ADGRF5: variants seen among roughly 807,000 people sequenced by gnomAD.
ADGRF5 encodes adhesion G protein-coupled receptor F5, also known as G-protein coupled receptor 116.
A neutral mutation model predicts 132.3 loss-of-function variants in ADGRF5; 75 were observed. That is an observed-to-expected ratio of 0.57 (90% CI 0.47 to 0.69). ADGRF5 has a LOEUF of 0.69. Ranked by LOEUF, ADGRF5 falls within the 30% of genes least tolerant of loss-of-function variation. ADGRF5 has a pLI of 0.00. For missense variants in ADGRF5, 1,516 were observed against 1,630.6 expected (o/e 0.93, Z 1.21); for synonymous variants, 629 against 597.6 (o/e 1.05, Z -0.77).
At chr6:46,878,771 A>G (rs982814676) in intron 9 of ADGRF5, among the ~76,000 whole-genome samples, 4 of 152,260 alleles carry the variant, frequency 2.6e-5, no homozygotes, top group Non-Finnish European at 5.9e-5. Context: ...AAAATCAACA[A>G]CTATGTGATA....
In ADGRF5 at chr6:46,952,479, C is replaced by G. The variant is rs527790462; in HGVS notation, c.-25+2255G>C. 6.6e-5 allele frequency among the ~76,000 whole-genome samples: 10 copies of G among 152,260 alleles called. No individual in the cohort carries two copies. In the East Asian group the frequency reaches 1.9e-3, roughly 29 times the overall value. ...ATGAGGGGCACTGACAGGGAAACAACTAATGAAAGAGGCTGTCACATAGAT... is the reference window on the plus strand; with the variant it reads ...ATGAGGGGCACTGACAGGGAAACAAGTAATGAAAGAGGCTGTCACATAGAT... On this transcript the variant is annotated intron_variant, in intron 1 of 20. Transcript: ENST00000265417.
At position 46,858,612 on chromosome 6, in the gene ADGRF5, G is replaced by A. The variant is rs1769335285; in HGVS notation, c.3291C>T (p.Tyr1097=). The A allele has an allele frequency of 1.9e-6, 3 of 1,614,112 alleles. No homozygotes were observed. Among genetic ancestry groups the A allele is most frequent in the Non-Finnish European group, 2.5e-6 (3 of 1,179,970 alleles). ...TCAGCATCCAGAAGAAGACGCTGAG[G>A]TAGAAGAAGTGGATGAAGAAGGTGG... The part of the protein sequence containing the change: ...VAATFFIHFF[Y]LSVFFWMLTL... Residue 1097 remains tyrosine, a synonymous_variant, in exon 17 of 21, where the codon TAC becomes TAT. Coordinates refer to ENST00000283296, the MANE Select transcript of ADGRF5 (RefSeq NM_001098518.2).
At chr6:46,954,106 C>T (rs954622442) in intron 1 of ADGRF5, among the ~76,000 whole-genome samples, 1 of 151,980 alleles carries the variant, frequency 6.6e-6, no homozygotes, top group African/African-American at 2.4e-5. Context: ...ACAACCACCA[C>T]CACAAGCCTC....
rs201275821 is a variant in ADGRF5, at chr6:46,883,526, G to A, written c.612+33C>T. 1,173 of 1,061,230 alleles carry A rather than the reference G, an allele frequency of 1.1e-3. 2 individuals are homozygous for A. The highest frequency in any genetic ancestry group is 9.6e-4 in the Non-Finnish European group (654 of 683,782). The allele number at this position is 1,061,230 out of a possible 1,614,324, so 65.7% of individuals were successfully genotyped here. On this transcript the variant is annotated intron_variant, in intron 6 of 20. Transcript: ENST00000283296. ...AGACTCAGTTCAGTCCAAACAGTTT[G>A]TTAGTTAAGAGGTTCTTGGGGCCAA...
chr6:46,858,665 T>G lies in ADGRF5; in HGVS notation c.3238A>C (p.Ile1080Leu). The change falls in exon 17 of 21, where the codon ATA becomes CTA. Residue 1080 changes from isoleucine (I) to leucine (L), a missense_variant. Physicochemically the swap from Ile to Leu is conservative, Grantham distance 5. This residue lies in a region of ADGRF5 where 571 missense variants were observed against 701.2 expected (regional missense o/e 0.81). Transcript: ENST00000283296. ...VVAAIQDNRYILCKTACVAAT... is the reference protein window; with the variant it reads ...VVAAIQDNRYLLCKTACVAAT... ...GCCACACAGGCTGTCTTGCAGAGTA[T>G]GTAGCGATTGTCCTGGATGGCAGCG... 1 of 1,614,086 alleles carries G rather than the reference T, an allele frequency of 6.2e-7. No homozygotes were observed. Among genetic ancestry groups the G allele is most frequent in the Non-Finnish European group, 8.5e-7 (1 of 1,180,014 alleles).
At position 46,900,536 on chromosome 6, in the gene ADGRF5, T is replaced by C. The variant is rs554602358; in HGVS notation, c.103-453A>G. Among the ~76,000 whole-genome samples the C allele has an allele frequency of 6.6e-5, 10 of 152,224 alleles. No homozygotes were observed. The South Asian group carries it at 2.1e-3, about 32-fold the overall frequency. On this transcript the variant is annotated intron_variant, in intron 2 of 20. Coordinates refer to ENST00000283296, the MANE Select transcript of ADGRF5 (RefSeq NM_001098518.2). ...CTGCTGTATTAGGGCTCTTTAACCA[T>C]TGTGTGTGCTTAGAAATTATTTTTT...
At chr6:46,881,379 A>AT (rs1772443536) in intron 8 of ADGRF5, 76 bp downstream of exon 8, 30 of 1,297,926 alleles carry the variant, frequency 2.3e-5, no homozygotes, top group South Asian at 3.9e-5. Flanking sequence ...CCCAGAGGAC[A>AT]TTGTAGCATA....
At position 46,856,847 on chromosome 6, in the gene ADGRF5, G is replaced by T. The variant is rs1228589013; in HGVS notation, c.3816+20C>A. On this transcript the variant is annotated intron_variant, in intron 18 of 20. Coordinates refer to ENST00000283296, the MANE Select transcript of ADGRF5 (RefSeq NM_001098518.2). ...GCACTTCAGACTTTTCTAGAAACAT[G>T]AAACTGTCATTGCTCTTACCTTCAG... 6.2e-7 allele frequency: 1 copy of T among 1,607,938 alleles called. No individual in the cohort carries two copies. The highest frequency in any genetic ancestry group is 2.2e-5 in the East Asian group (1 of 44,846).
At position 46,854,053 on chromosome 6, in the gene ADGRF5, G is replaced by A; in HGVS notation, c.3980C>T (p.Thr1327Ile). Residue 1327 changes from threonine (T) to isoleucine (I), a missense_variant, in exon 21 of 21, where the codon ACC becomes ATC. Physicochemically the swap from Thr to Ile is moderately conservative, Grantham distance 89. This residue lies in a region of ADGRF5 where 571 missense variants were observed against 701.2 expected (regional missense o/e 0.81). Transcript: ENST00000283296. The part of the protein sequence containing the change: ...FGKTGTYNVS[T>I]PEATSSSLEN... Reference sequence around the variant, plus strand: ...CAGGGATGAGCTGGTTGCTTCTGGGGTGGAAACATTATACGTTCCTGAAAA... The same window carrying A: ...CAGGGATGAGCTGGTTGCTTCTGGGATGGAAACATTATACGTTCCTGAAAA... 6.2e-7 allele frequency: 1 copy of A among 1,602,704 alleles called. No individual in the cohort carries two copies. The highest frequency in any genetic ancestry group is 2.3e-5 in the East Asian group (1 of 44,134).
At chr6:46,854,781 G>T (rs1039482058) in intron 20 of ADGRF5, 2 of 1,286,202 alleles carry the variant, frequency 1.6e-6, no homozygotes, top group African/African-American at 1.5e-5. Context: ...CTTAGGGGCT[G>T]CTGACAACAT....
At chr6:46,945,588 C>T (rs981813738) in intron 1 of ADGRF5, among the ~76,000 whole-genome samples, 11 of 152,192 alleles carry the variant, frequency 7.2e-5, no homozygotes, top group Admixed American at 1.3e-4. Flanking sequence ...GTAAAACAGG[C>T]TTGGGACAGT....
chr6:46,928,291 T>C (rs1300860655), intron 1 of ADGRF5, among the ~76,000 whole-genome samples: 1 of 152,172 alleles, frequency 6.6e-6, no homozygotes, highest in Non-Finnish European at 1.5e-5. Flanking sequence ...TCCTAGTATG[T>C]TGTGTCTGTG....
rs372081452 is a variant in ADGRF5, at chr6:46,856,391, TC to T, written c.3876+326del. On this transcript the variant is annotated intron_variant, in intron 19 of 20. Coordinates refer to ENST00000283296, the MANE Select transcript of ADGRF5 (RefSeq NM_001098518.2). ...AACTTGTTTTCTCTAATGCCTTGAATCCCCCCAGAAGATTGCTTCTCATTGA... is the reference window on the plus strand; with the variant it reads ...AACTTGTTTTCTCTAATGCCTTGAATCCCCCAGAAGATTGCTTCTCATTGA... Among the ~76,000 whole-genome samples the T allele has an allele frequency of 9.8e-3, 1,495 of 152,266 alleles. 27 individuals are homozygous for T. Among genetic ancestry groups the T allele is most frequent in the African/African-American group, 0.034 (1,420 of 41,548 alleles).
intron 11 of ADGRF5, 102 bp from the exon 12 acceptor site, chr6:46,869,194 G>GA (rs751939190): frequency 0.01 from 12,908 of 1,239,984 alleles, no homozygotes; most frequent in East Asian, 0.011. Flanking sequence ...GAGAGGGACA[G>GA]AAAAAAAAAA....
chr6:46,862,574 A>G (rs1769887131), intron 15 of ADGRF5, among the ~76,000 whole-genome samples: 2 of 152,054 alleles, frequency 1.3e-5, no homozygotes, highest in South Asian at 2.1e-4. Context: ...AAGGAGAGCA[A>G]TAAGAGAGAG....
intron 15 of ADGRF5, among the ~76,000 whole-genome samples, chr6:46,861,537 G>GT (rs1038149088): frequency 1.3e-5 from 2 of 152,140 alleles, no homozygotes; most frequent in Non-Finnish European, 2.9e-5. Flanking sequence ...CTCTGAATGC[G>GT]TAAGTATTGG....
At chr6:46,922,322 G>T (rs932933699), upstream of ADGRF5, among the ~76,000 whole-genome samples, 1 of 152,148 alleles carries the variant, frequency 6.6e-6, no homozygotes, top group East Asian at 1.9e-4. Flanking sequence ...AAAAGAATCC[G>T]CAGAAGAGAA....
At chr6:46,901,321 C>T (rs1186038653) in intron 2 of ADGRF5, among the ~76,000 whole-genome samples, 1 of 152,150 alleles carries the variant, frequency 6.6e-6, no homozygotes, top group African/African-American at 2.4e-5. Context: ...CCACTCCAAA[C>T]TCCTTTCACA....
intron 6 of ADGRF5, 124 bp from the exon 7 acceptor site, chr6:46,882,231 T>G: frequency 1.3e-6 from 1 of 762,546 alleles, no homozygotes; most frequent in South Asian, 1.4e-5. Flanking sequence ...TTCTGTCTAT[T>G]TTGTTAACTG....
Sources: gnomAD v4.1 joint callset for allele counts (sites outside exome capture counted in the v4.1 genomes callset) on GRCh38, gnomAD v4.1.1 for gene constraint, gnomAD v4.1.1 regional missense constraint, MANE v1.5 for transcripts, NCBI Gene and HGNC (gene_info 2026-07-23, HGNC 2026-07-21) for gene names.